The following NPAP1 variants were observed in gnomAD, a reference collection of about 807,000 sequenced individuals.
NPAP1 encodes nuclear pore associated protein 1.
For missense variants in NPAP1, 1,483 were observed against 1,454.5 expected, an observed-to-expected ratio of 1.02 and a Z score of -0.32; for synonymous variants, 616 against 581.4, an observed-to-expected ratio of 1.06 and a Z score of -0.86.
rs1294831811 is a variant in NPAP1 at position 24,677,977 on chromosome 15, C to T, written c.2110C>T (p.Pro704Ser). 4 of 1,613,902 alleles carry T rather than the reference C, an allele frequency of 2.5e-6. No homozygotes were observed. Among genetic ancestry groups the T allele is most frequent in the East Asian group, 4.5e-5 (2 of 44,830 alleles). Reference protein sequence around the residue: ...PIETNAMHTTPPSKAVILQSA... With the variant: ...PIETNAMHTTSPSKAVILQSA... ...TGAAACCAATGCTATGCATACCACT[C>T]CTCCTTCCAAGGCTGTCATCTTGCA... is the stretch of plus-strand genomic sequence containing the variant. Residue 704 changes from proline to serine, a missense_variant, in exon 1 of 1, where the codon CCT (proline) becomes TCT (serine). Coordinates refer to ENST00000329468, the MANE Select transcript of NPAP1 (RefSeq NM_018958.3).
At position 24,678,223 on chromosome 15, in the gene NPAP1, C is replaced by G. The variant is rs2141312123; in HGVS notation, c.2356C>G (p.Leu786Val). ...TGATGGGCCGCAGCAGAAAACCTCT[C>G]TCCCCAGTGCCCATGATTTCCTGAG... is the stretch of plus-strand genomic sequence containing the variant. Reference protein sequence around the residue: ...APDGPQQKTSLPSAHDFLSLP... With the variant: ...APDGPQQKTSVPSAHDFLSLP... Residue 786 changes from leucine to valine, a missense_variant, in exon 1 of 1, where the codon CTC becomes GTC. By Grantham distance (32) the Leu-to-Val change is conservative. Coordinates refer to ENST00000329468, the MANE Select transcript of NPAP1 (RefSeq NM_018958.3). 6.2e-7 allele frequency: 1 copy of G among 1,613,604 alleles called. No individual in the cohort carries two copies. The highest frequency in any genetic ancestry group is 8.5e-7 in the Non-Finnish European group (1 of 1,179,830).
At position 24,676,416 on chromosome 15, in the gene NPAP1, A is replaced by C; in HGVS notation, c.549A>C (p.Gly183=). The change falls in exon 1 of 1, where the codon GGA becomes GGC. Residue 183 remains glycine, a synonymous_variant. Transcript: ENST00000329468. ...DDEKRTPLSS[G]EASSTSRSQG... ...AGAAAAGGACCCCCCTTAGCAGCGG[A>C]GAAGCATCGTCCACATCCAGGTCCC... 6.2e-7 allele frequency: 1 copy of C among 1,605,100 alleles called. No individual in the cohort carries two copies. The highest frequency in any genetic ancestry group is 1.1e-5 in the South Asian group (1 of 89,760).
At position 24,677,622 on chromosome 15, in the gene NPAP1, GGTT is replaced by G. The variant is rs775769882; in HGVS notation, c.1759_1761del (p.Val587del). The stretch of plus-strand genomic sequence containing the variant: ...ATATGGATACTACTGCCCCATCTCA[GGTT>G]GTTATTTTCACATCTTCCCTAAGCT... On this transcript the variant is annotated inframe_deletion, in exon 1 of 1. Coordinates refer to ENST00000329468, the MANE Select transcript of NPAP1 (RefSeq NM_018958.3). 15 of 1,614,022 alleles carry G rather than the reference GGTT, an allele frequency of 9.3e-6. No individual in the cohort carries two copies. Among genetic ancestry groups the G allele is most frequent in the Middle Eastern group, 1.6e-4 (1 of 6,084 alleles).
chr15:24,681,738 A>G lies in NPAP1; in HGVS notation c.*2400A>G, dbSNP rs183998556. 59 of 167,078 alleles carry G rather than the reference A, an allele frequency of 3.5e-4. No homozygotes were observed. Among genetic ancestry groups the G allele is most frequent in the African/African-American group, 1.4e-3 (57 of 41,534 alleles). 10.3% of individuals were successfully genotyped at this position (167,078 alleles called of 1,614,324 possible). The stretch of plus-strand genomic sequence containing the variant: ...GTTGTTTAAGCTACCAGTCTGTGGC[A>G]TTTTTTGTAGCAATCAGAACTGACT... On this transcript the variant is annotated 3_prime_UTR_variant, in exon 1 of 1. Coordinates refer to ENST00000329468, the MANE Select transcript of NPAP1 (RefSeq NM_018958.3).
Position 24,675,818 on chromosome 15 carries a change from T to TA in NPAP1, c.-50_-49insA. Reference sequence around the variant, plus strand: ...AGAGGAGGCGGTGGCTGAGGAGAGTTGAGTCCACTGCTGACCCTGTTTTAC... The same window carrying TA: ...AGAGGAGGCGGTGGCTGAGGAGAGTTAGAGTCCACTGCTGACCCTGTTTTAC... On this transcript the variant is annotated 5_prime_UTR_variant, in exon 1 of 1. Transcript: ENST00000329468. The TA allele has an allele frequency of 7.7e-7, 1 of 1,306,630 alleles. No homozygotes were observed. Among genetic ancestry groups the TA allele is most frequent in the Non-Finnish European group, 1.0e-6 (1 of 978,130 alleles). The allele number at this position is 1,306,630 out of a possible 1,614,324, so 80.9% of individuals were successfully genotyped here. A position where few individuals can be genotyped will look rare whatever the true frequency, so the allele number is the denominator to read the frequency against.
In NPAP1 at chr15:24,679,582, T is replaced by C. The variant is rs12902295; in HGVS notation, c.*244T>C. On this transcript the variant is annotated 3_prime_UTR_variant, in exon 1 of 1. Transcript: ENST00000329468. ...TGCATCTGCAGTGAATGGCAACATA[T>C]CTTTAATTAGAGGCCCTTGTGTATC... The C allele has an allele frequency of 0.24, 125,095 of 528,442 alleles. 15,219 individuals are homozygous for C. The highest frequency in any genetic ancestry group is 0.28 in the East Asian group (8,624 of 30,348). 32.7% of individuals were successfully genotyped at this position (528,442 alleles called of 1,614,324 possible).
chr15:24,677,871 G>A lies in NPAP1; in HGVS notation c.2004G>A (p.Leu668=), dbSNP rs145899433. The A allele has an allele frequency of 4.3e-6, 7 of 1,613,610 alleles. No homozygotes were observed. The African/African-American group carries it at 9.4e-5, about 22-fold the overall frequency. Residue 668 remains leucine (L), a synonymous_variant, in exon 1 of 1, where the codon CTG becomes CTA. Transcript: ENST00000329468. ...KASLPSACVF[L]SLPIIPPPDT... Reference sequence around the variant, plus strand: ...CTCTCCCCAGTGCCTGTGTTTTCCTGAGCCTTCCCATCATTCCTCCTCCAG... The same window carrying A: ...CTCTCCCCAGTGCCTGTGTTTTCCTAAGCCTTCCCATCATTCCTCCTCCAG...
chr15:24,675,995 C>A lies in NPAP1; in HGVS notation c.128C>A (p.Thr43Asn), dbSNP rs771241511. ...CCCGGTCGGGCTCACTCTGTACCCA[C>A]CCCGCGCCCTTTCCGCGGCCTGTTC... is the stretch of plus-strand genomic sequence containing the variant. ...SPPGRAHSVP[T>N]PRPFRGLFRR... The change falls in exon 1 of 1, where the codon ACC becomes AAC. Residue 43 changes from threonine to asparagine, a missense_variant. Coordinates refer to ENST00000329468, the MANE Select transcript of NPAP1 (RefSeq NM_018958.3). 3 of 1,601,236 alleles carry A rather than the reference C, an allele frequency of 1.9e-6. No individual in the cohort carries two copies. The South Asian group carries it at 3.3e-5, about 18-fold the overall frequency.
At position 24,677,318 on chromosome 15, in the gene NPAP1, A is replaced by C. The variant is rs556676071; in HGVS notation, c.1451A>C (p.Tyr484Ser). ...CAGTCTAATGAGAAAGGAGGCTCTT[A>C]TAATTCAGTCGTAGGAGCAGCGCCT... is the stretch of plus-strand genomic sequence containing the variant. ...GDQSNEKGGS[Y>S]NSVVGAAPLT... is the part of the protein sequence containing the mutation. The change falls in exon 1 of 1, where the codon TAT becomes TCT. Residue 484 changes from tyrosine to serine, a missense_variant. Tyr to Ser is a moderately radical substitution (Grantham distance 144). Transcript: ENST00000329468. 2 of 1,614,098 alleles carry C rather than the reference A, an allele frequency of 1.2e-6. No individual in the cohort carries two copies. The highest frequency in any genetic ancestry group is 1.1e-5 in the South Asian group (1 of 91,074).
Position 24,681,795 on chromosome 15 carries a change from T to TAGATGATAG in NPAP1, c.*2461_*2462insGATAGAGAT, listed in dbSNP as rs1566758264. ...GATAGATAGATGATAGATAGATACATAGATAGATGATAGAGATAGATGATA... is the reference window on the plus strand; with the variant it reads ...GATAGATAGATGATAGATAGATACATAGATGATAGAGATAGATGATAGAGATAGATGATA... On this transcript the variant is annotated 3_prime_UTR_variant, in exon 1 of 1. Transcript: ENST00000329468. The TAGATGATAG allele has an allele frequency of 6.5e-6, 1 of 152,926 alleles. No individual in the cohort carries two copies. The highest frequency in any genetic ancestry group is 2.1e-4 in the East Asian group (1 of 4,674). The allele number at this position is 152,926 out of a possible 1,614,324, so 9.5% of individuals were successfully genotyped here. A position where few individuals can be genotyped will look rare whatever the true frequency, so the allele number is the denominator to read the frequency against.
chr15:24,678,001 C>G lies in NPAP1; in HGVS notation c.2134C>G (p.Gln712Glu), dbSNP rs2141311596. The change falls in exon 1 of 1, where the codon CAG (glutamine) becomes GAG (glutamate). Residue 712 changes from glutamine (Q) to glutamate (E), a missense_variant. Transcript: ENST00000329468. ...TCCTCCTTCCAAGGCTGTCATCTTG[C>G]AGTCTGCCTCTGTCTCCAAGAAGTA... ...TTPPSKAVIL[Q>E]SASVSKKYLP... 1 of 1,614,104 alleles carries G rather than the reference C, an allele frequency of 6.2e-7. No individual in the cohort carries two copies. Among genetic ancestry groups the G allele is most frequent in the Non-Finnish European group, 8.5e-7 (1 of 1,180,006 alleles).
chr15:24,676,809 C>G lies in NPAP1; in HGVS notation c.942C>G (p.Ser314Arg), dbSNP rs774085235. 1 of 1,612,978 alleles carries G rather than the reference C, an allele frequency of 6.2e-7. No individual in the cohort carries two copies. Among genetic ancestry groups the G allele is most frequent in the Non-Finnish European group, 8.5e-7 (1 of 1,179,966 alleles). ...DEKPFCIPPR[S>R]AAPPRAARNR... Reference sequence around the variant, plus strand: ...AGCCTTTCTGTATTCCTCCAAGGAGCGCTGCTCCTCCCAGAGCTGCCCGCA... The same window carrying G: ...AGCCTTTCTGTATTCCTCCAAGGAGGGCTGCTCCTCCCAGAGCTGCCCGCA... Residue 314 changes from serine to arginine, a missense_variant, in exon 1 of 1, where the codon AGC becomes AGG. Ser to Arg is a moderately radical substitution (Grantham distance 110, BLOSUM62 -1). Coordinates refer to ENST00000329468, the MANE Select transcript of NPAP1 (RefSeq NM_018958.3).
rs948774241 is a variant in NPAP1, at chr15:24,681,922, A to T, written c.*2584A>T. On this transcript the variant is annotated 3_prime_UTR_variant, in exon 1 of 1. Transcript: ENST00000329468. ...TGATTGCCTTTATTAGGCAATTCAA[A>T]TAGAAGAATAGAAGAACCCCCTTTT... 7.8e-5 allele frequency: 13 copies of T among 167,080 alleles called. No individual in the cohort carries two copies. The highest frequency in any genetic ancestry group is 3.9e-4 in the Admixed American group (6 of 15,280). The allele number at this position is 167,080 out of a possible 1,614,324, so 10.3% of individuals were successfully genotyped here.
rs2048981156 is a variant in NPAP1 at position 24,677,000 on chromosome 15, A to G, written c.1133A>G (p.Asn378Ser). The change falls in exon 1 of 1, where the codon AAT (asparagine) becomes AGT (serine). Residue 378 changes from asparagine to serine, a missense_variant. Physicochemically the swap from Asn to Ser is conservative, Grantham distance 46. Coordinates refer to ENST00000329468, the MANE Select transcript of NPAP1 (RefSeq NM_018958.3). The stretch of plus-strand genomic sequence containing the variant: ...GAGAAGAGCCCTGAGTATAAAAGGA[A>G]TAGCAGAATCTTGGAGGATAAAACA... ...TLEKSPEYKRNSRILEDKTET... is the reference protein window; with the variant it reads ...TLEKSPEYKRSSRILEDKTET... 6.2e-7 allele frequency: 1 copy of G among 1,613,996 alleles called. No individual in the cohort carries two copies. Among genetic ancestry groups the G allele is most frequent in the Non-Finnish European group, 8.5e-7 (1 of 1,180,024 alleles).
rs1566757028 is a variant in NPAP1 at position 24,678,655 on chromosome 15, T to G, written c.2788T>G (p.Ser930Ala). 4 of 1,613,998 alleles carry G rather than the reference T, an allele frequency of 2.5e-6. No homozygotes were observed. Among genetic ancestry groups the G allele is most frequent in the Middle Eastern group, 1.6e-4 (1 of 6,084 alleles). The change falls in exon 1 of 1, where the codon TCT becomes GCT. Residue 930 changes from serine (S) to alanine (A), a missense_variant. Physicochemically the swap from Ser to Ala is moderately conservative, Grantham distance 99. Coordinates refer to ENST00000329468, the MANE Select transcript of NPAP1 (RefSeq NM_018958.3). ...ATPAPVIGLT[S>A]PSVQPLSGSI... ...CCCAGCACCAGTTATAGGCTTAACA[T>G]CTCCTTCAGTCCAGCCACTGAGTGG...
rs2141307964 is a variant in NPAP1 at position 24,676,416 on chromosome 15, A to G, written c.549A>G (p.Gly183=). ...DDEKRTPLSS[G]EASSTSRSQG... ...AGAAAAGGACCCCCCTTAGCAGCGGAGAAGCATCGTCCACATCCAGGTCCC... is the reference window on the plus strand; with the variant it reads ...AGAAAAGGACCCCCCTTAGCAGCGGGGAAGCATCGTCCACATCCAGGTCCC... Residue 183 remains glycine, a synonymous_variant, in exon 1 of 1, where the codon GGA becomes GGG. Coordinates refer to ENST00000329468, the MANE Select transcript of NPAP1 (RefSeq NM_018958.3). 2.5e-6 allele frequency: 4 copies of G among 1,605,100 alleles called. No homozygotes were observed. The highest frequency in any genetic ancestry group is 2.2e-5 in the South Asian group (2 of 89,760).
chr15:24,677,221 G>A lies in NPAP1; in HGVS notation c.1354G>A (p.Glu452Lys), dbSNP rs2048982763. ...PPLSTTPKMD[E>K]KIAFTIPNSP... ...ACTTTCCACCACACCAAAAATGGAT[G>A]AGAAAATAGCATTCACAATCCCTAA... The change falls in exon 1 of 1, where the codon GAG (glutamate) becomes AAG (lysine). Residue 452 changes from glutamate (E) to lysine (K), a missense_variant. Glu to Lys is a moderately conservative substitution (Grantham distance 56). Transcript: ENST00000329468. 6.2e-7 allele frequency: 1 copy of A among 1,613,916 alleles called. No individual in the cohort carries two copies. Among genetic ancestry groups the A allele is most frequent in the South Asian group, 1.1e-5 (1 of 91,074 alleles).
Position 24,676,622 on chromosome 15 carries a change from T to G in NPAP1, c.755T>G (p.Leu252Arg), listed in dbSNP as rs2048977632. ...AGCCAGGCCGGATGTGCCCGGCATC[T>G]TGGAAAGCCTGATCCGGATGCAACA... ...THSQAGCARH[L>R]GKPDPDATAP... Residue 252 changes from leucine (L) to arginine (R), a missense_variant, in exon 1 of 1, where the codon CTT becomes CGT. Leu to Arg is a moderately radical substitution (Grantham distance 102). Transcript: ENST00000329468. The G allele has an allele frequency of 6.2e-7, 1 of 1,613,766 alleles. No individual in the cohort carries two copies. The highest frequency in any genetic ancestry group is 1.3e-5 in the African/African-American group (1 of 74,918).
rs1403069614 is a variant in NPAP1 at position 24,676,304 on chromosome 15, T to C, written c.437T>C (p.Leu146Pro). 7 of 1,523,612 alleles carry C rather than the reference T, an allele frequency of 4.6e-6. No homozygotes were observed. Among genetic ancestry groups the C allele is most frequent in the Middle Eastern group, 1.8e-4 (1 of 5,616 alleles). The allele number at this position is 1,523,612 out of a possible 1,614,324, so 94.4% of individuals were successfully genotyped here. The change falls in exon 1 of 1, where the codon CTG becomes CCG. Residue 146 changes from leucine (L) to proline (P), a missense_variant. Physicochemically the swap from Leu to Pro is moderately conservative, Grantham distance 98. Transcript: ENST00000329468. ...KARKPIPATL[L>P]EETEVWAQEG... ...AGGAAGCCCATCCCAGCCACTCTCCTGGAGGAGACCGAGGTGTGGGCCCAA... is the reference window on the plus strand; with the variant it reads ...AGGAAGCCCATCCCAGCCACTCTCCCGGAGGAGACCGAGGTGTGGGCCCAA...
Sources: allele counts gnomAD v4.1 joint callset, GRCh38; gene constraint gnomAD v4.1.1; transcripts MANE v1.5; gene names NCBI Gene and HGNC (gene_info 2026-07-23, HGNC 2026-07-21).